Variants in EHD3 observed in about 807,000 individuals in gnomAD.
EHD3 encodes the protein EH domain containing 3.
Under a neutral mutation model 43.0 loss-of-function variants are expected in EHD3, and 17 were observed. The observed-to-expected ratio is 0.40, with a 90% CI of 0.27 to 0.59. EHD3 has a LOEUF of 0.59. Among genes scored for constraint, EHD3 ranks in the 20% least tolerant of loss-of-function variants. EHD3 has a pLI of 0.49. For synonymous variants in EHD3, 313 were observed against 289.5 expected, an observed-to-expected ratio of 1.08 and a Z score of -0.82; for missense variants, 594 against 705.6, an observed-to-expected ratio of 0.84 and a Z score of 1.79.
rs376904165 is a variant in EHD3, at chr2:31,266,140, C to A, written c.1081-37C>A. 6.4e-7 allele frequency: 1 copy of A among 1,571,128 alleles called. No homozygotes were observed. ...GATAAATGGAGGGCTCTCCTTTCAT[C>A]GTATCCTATCTTCATCCTCTCTCCT... On this transcript the variant is annotated intron_variant, in intron 5 of 5. Transcript: ENST00000322054. This position sits in a 1 kb window ranked among gnomAD's most constrained non-coding sequence, Gnocchi z 5.1.
intron 2 of EHD3, 149 bp from the exon 3 acceptor site, chr2:31,249,222 C>T: frequency 1.5e-6 from 1 of 685,530 alleles, no homozygotes; most frequent in Non-Finnish European, 2.5e-6. Flanking sequence ...CTGTCAGCCA[C>T]ACCCTGAACT....
Position 31,261,697 on chromosome 2 carries a change from A to G in EHD3, c.1064A>G (p.Asn355Ser), listed in dbSNP as rs768822674. ...EHQISPGDFPNLKRMQDQLQA... is the reference protein window; with the variant it reads ...EHQISPGDFPSLKRMQDQLQA... ...CAGATCTCACCTGGGGACTTCCCCA[A>G]TCTGAAGAGGATGCAGGTAGCGAGG... Residue 355 changes from asparagine (N) to serine (S), a missense_variant, in exon 5 of 6, where the codon AAT becomes AGT. Transcript: ENST00000322054. 2 of 1,614,204 alleles carry G rather than the reference A, an allele frequency of 1.2e-6. No homozygotes were observed. The highest frequency in any genetic ancestry group is 4.5e-5 in the East Asian group (2 of 44,878).
chr2:31,250,210 A>G (rs1182061764), intron 3 of EHD3, among the ~76,000 whole-genome samples: 1 of 152,036 alleles, frequency 6.6e-6, no homozygotes. Flanking sequence ...GTTGGCACAT[A>G]GCAAGTACCT....
chr2:31,239,023 C>T (rs1296589343), intron 1 of EHD3, among the ~76,000 whole-genome samples: 2 of 152,262 alleles, frequency 1.3e-5, no homozygotes, highest in South Asian at 2.1e-4. Context: ...GGGAGTCCAT[C>T]GTGAGGGCTA....
In EHD3 at chr2:31,234,705, C is replaced by G. The variant is rs1219195667; in HGVS notation, c.84C>G (p.Leu28=). ...CGGTGAGTGAGGGGCTCAAGAAACT[C>G]TACAAGAGCAAGCTGCTGCCCTTGG... ...FQTVSEGLKK[L]YKSKLLPLEE... Residue 28 remains leucine (L), a synonymous_variant, in exon 1 of 6, where the codon CTC becomes CTG. Coordinates refer to ENST00000322054, the MANE Select transcript of EHD3 (RefSeq NM_014600.3). The G allele has an allele frequency of 6.2e-7, 1 of 1,614,230 alleles. No individual in the cohort carries two copies. The highest frequency in any genetic ancestry group is 8.5e-7 in the Non-Finnish European group (1 of 1,180,038).
At chr2:31,240,068 C>T (rs1486629096) in intron 1 of EHD3, among the ~76,000 whole-genome samples, 1 of 152,160 alleles carries the variant, frequency 6.6e-6, no homozygotes, top group Admixed American at 6.5e-5. Context: ...GTGCTTTCGA[C>T]AGGGCCAATT....
chr2:31,256,559 G>A (rs672364), intron 3 of EHD3, among the ~76,000 whole-genome samples: 17,247 of 152,252 alleles, frequency 0.11, 1,066 homozygotes, highest in African/African-American at 0.14. Flanking sequence ...CCAGTGCACC[G>A]AGGATGATTT....
In EHD3 at chr2:31,260,529, C is replaced by A. The variant is rs1191730192; in HGVS notation, c.522C>A (p.Val174=). ...RISRGYDFAA[V]LEWFAERVDR... ...CGGCAGGGTATGACTTTGCAGCTGT[C>A]CTTGAGTGGTTTGCCGAGCGGGTTG... is the stretch of plus-strand genomic sequence containing the variant. Residue 174 remains valine, a synonymous_variant, in exon 4 of 6, where the codon GTC becomes GTA. Transcript: ENST00000322054. This position sits in a 1 kb window ranked among gnomAD's most constrained non-coding sequence, Gnocchi z 4.6. 1 of 1,608,746 alleles carries A rather than the reference C, an allele frequency of 6.2e-7. No homozygotes were observed. Among genetic ancestry groups the A allele is most frequent in the African/African-American group, 1.3e-5 (1 of 74,862 alleles).
Position 31,234,516 on chromosome 2 carries a change from A to G in EHD3, c.-106A>G, listed in dbSNP as rs1683285413. On this transcript the variant is annotated 5_prime_UTR_variant, in exon 1 of 6. The change abolishes the stop of an existing upstream ORF in the 5' untranslated region. Transcript: ENST00000322054. The stretch of plus-strand genomic sequence containing the variant: ...TGCGGCTGAGCCCCGCGCTTGGGTG[A>G]GGCGGCGGCGCGGCTCGGAGCCCGG... The G allele has an allele frequency of 7.6e-7, 1 of 1,318,188 alleles. No homozygotes were observed. The highest frequency in any genetic ancestry group is 1.0e-6 in the Non-Finnish European group (1 of 955,288). The allele number at this position is 1,318,188 out of a possible 1,614,324, so 81.7% of individuals were successfully genotyped here. A position where few individuals can be genotyped will look rare whatever the true frequency, so the allele number is the denominator to read the frequency against.
intron 3 of EHD3, among the ~76,000 whole-genome samples, chr2:31,251,450 C>T (rs761975509): frequency 1.5e-4 from 23 of 152,288 alleles, no homozygotes; most frequent in Middle Eastern, 3.4e-3. Context: ...GGAGGCTGAA[C>T]ATCCTGAGAG....
chr2:31,258,892 G>A (rs1430731272), intron 3 of EHD3, among the ~76,000 whole-genome samples: 1 of 138,660 alleles, frequency 7.2e-6, no homozygotes, highest in Non-Finnish European at 1.5e-5. Context: ...CAACCATCTG[G>A]GTTTTAAGAA....
In EHD3 at chr2:31,254,370, C is replaced by T. The variant is rs554100440; in HGVS notation, c.502+4902C>T. Among the ~76,000 whole-genome samples the T allele has an allele frequency of 3.3e-5, 5 of 152,330 alleles. No individual in the cohort carries two copies. In the East Asian group the frequency reaches 9.7e-4, roughly 29 times the overall value. On this transcript the variant is annotated intron_variant, in intron 3 of 5. Transcript: ENST00000322054. Reference sequence around the variant, plus strand: ...TGGAGCAGAGCCTGCACTTAAAGGCCTCTGGGTCTTCCCAGACTACGTGCC... The same window carrying T: ...TGGAGCAGAGCCTGCACTTAAAGGCTTCTGGGTCTTCCCAGACTACGTGCC...
rs111725892 is a variant in EHD3 at position 31,259,831 on chromosome 2, C to T, written c.503-679C>T. ...TAGGTGTCCAGACTTTCTTTTCCAG[C>T]GGGCTGCTAAATACAGTAAGCACGG... On this transcript the variant is annotated intron_variant, in intron 3 of 5. Coordinates refer to ENST00000322054, the MANE Select transcript of EHD3 (RefSeq NM_014600.3). Among the ~76,000 whole-genome samples the T allele has an allele frequency of 1.7e-3, 253 of 152,232 alleles. 1 individual carries two copies. The highest frequency in any genetic ancestry group is 5.9e-3 in the African/African-American group (246 of 41,542).
chr2:31,234,547 C>A lies in EHD3; in HGVS notation c.-75C>A. On this transcript the variant is annotated 5_prime_UTR_variant, in exon 1 of 6. Transcript: ENST00000322054. ...CGGCGCGGCTCGGAGCCCGGCGGAC[C>A]GGTCCTACGGGACATCTTCCCCTGA... is the stretch of plus-strand genomic sequence containing the variant. The A allele has an allele frequency of 6.5e-7, 1 of 1,530,712 alleles. No homozygotes were observed. The highest frequency in any genetic ancestry group is 8.9e-7 in the Non-Finnish European group (1 of 1,124,042). 94.8% of individuals were successfully genotyped at this position (1,530,712 alleles called of 1,614,324 possible). A position where few individuals can be genotyped will look rare whatever the true frequency, so the allele number is the denominator to read the frequency against.
chr2:31,249,317 G>T lies in EHD3; in HGVS notation c.405-54G>T, dbSNP rs1683588357. 4.6e-6 allele frequency: 7 copies of T among 1,519,834 alleles called. No homozygotes were observed. The South Asian group carries it at 7.9e-5, about 17-fold the overall frequency. 94.1% of individuals were successfully genotyped at this position (1,519,834 alleles called of 1,614,324 possible). ...CAAGACAGGTGGTTGGAGTCATGCG[G>T]CTAGGTCATGAAAGGTGGGCGAGTA... On this transcript the variant is annotated intron_variant, in intron 2 of 5. Transcript: ENST00000322054.
At chr2:31,240,460 C>A (rs1016898407) in intron 1 of EHD3, among the ~76,000 whole-genome samples, 1 of 152,222 alleles carries the variant, frequency 6.6e-6, no homozygotes, top group Non-Finnish European at 1.5e-5. Flanking sequence ...GTAAGCCATA[C>A]CCAAATGTCC....
chr2:31,248,576 C>A (rs2148718721), intron 2 of EHD3, among the ~76,000 whole-genome samples: 1 of 152,334 alleles, frequency 6.6e-6, no homozygotes, highest in African/African-American at 2.4e-5. Context: ...GGCTGCCTCA[C>A]AATCATCCAG....
chr2:31,258,193 C>T (rs1406702180), intron 3 of EHD3, among the ~76,000 whole-genome samples: 2 of 152,110 alleles, frequency 1.3e-5, no homozygotes, highest in East Asian at 3.9e-4. Context: ...GTAGTACTGG[C>T]ATCCGGGTAA....
intron 3 of EHD3, among the ~76,000 whole-genome samples, chr2:31,251,891 C>A (rs1405263018): frequency 6.6e-6 from 1 of 152,162 alleles, no homozygotes; most frequent in Admixed American, 6.5e-5. Context: ...CCAAGTGGTT[C>A]ATCTGGGGTT....
Sources: allele counts gnomAD v4.1 joint callset (sites outside exome capture counted in the v4.1 genomes callset), GRCh38; gene constraint gnomAD v4.1.1; non-coding constraint Gnocchi (gnomAD v3.1); transcripts MANE v1.5; gene names NCBI Gene and HGNC (gene_info 2026-07-23, HGNC 2026-07-21).